Variants in RGS7 observed in about 807,000 individuals in gnomAD.
RGS7 encodes regulator of G protein signaling 7.
Under a neutral mutation model 81.1 loss-of-function variants are expected in RGS7, and 27 were observed. That is an observed-to-expected ratio of 0.33 (90% CI 0.25 to 0.46). The LOEUF (loss-of-function observed/expected upper bound fraction) is 0.46, where lower values mean the gene tolerates loss of function less well. Among genes scored for constraint, RGS7 ranks in the 20% least tolerant of loss-of-function variants. RGS7 has a pLI of 1.00. For synonymous variants in RGS7, 208 were observed against 207.7 expected (o/e 1.00, Z -0.01); for missense variants, 396 against 607.4 (o/e 0.65, Z 3.66).
intron 18 of RGS7, among the ~76,000 whole-genome samples, chr1:240,784,013 TAAAAAA>T (rs71172645): frequency 3.6e-5 from 3 of 83,380 alleles, no homozygotes; most frequent in African/African-American, 1.0e-4. Context: ...CTGTCTCTAC[TAAAAAA>T]AAAAAAAAAA....
intron 2 of RGS7, among the ~76,000 whole-genome samples, chr1:241,288,360 C>T (rs550083877): frequency 7.6e-4 from 115 of 152,264 alleles, no homozygotes; most frequent in African/African-American, 2.7e-3. Flanking sequence ...CCAGAGCTTC[C>T]GTTCTTTCTC....
chr1:241,049,495 T>C (rs2061134438), intron 3 of RGS7, among the ~76,000 whole-genome samples: 1 of 152,164 alleles, frequency 6.6e-6, no homozygotes, highest in Non-Finnish European at 1.5e-5. Flanking sequence ...ATCCTTTTGT[T>C]AAACTTTCCT....
chr1:241,123,594 T>C (rs1213420232), intron 2 of RGS7, among the ~76,000 whole-genome samples: 1 of 152,004 alleles, frequency 6.6e-6, no homozygotes, highest in Non-Finnish European at 1.5e-5. Flanking sequence ...CTACTAAAAA[T>C]ACAAAAATTA....
chr1:241,209,469 G>A (rs1197315969), intron 2 of RGS7, among the ~76,000 whole-genome samples: 1 of 152,142 alleles, frequency 6.6e-6, no homozygotes, highest in African/African-American at 2.4e-5. Flanking sequence ...AATAGTAATT[G>A]TAATAATGAT....
intron 6 of RGS7, among the ~76,000 whole-genome samples, chr1:240,910,027 T>A (rs1404921639): frequency 6.6e-6 from 1 of 152,170 alleles, no homozygotes; most frequent in Non-Finnish European, 1.5e-5. Flanking sequence ...GTCCCTTCTG[T>A]TTGTGGTTCT....
At chr1:240,922,094 A>T (rs1673650134) in intron 6 of RGS7, among the ~76,000 whole-genome samples, 1 of 152,100 alleles carries the variant, frequency 6.6e-6, no homozygotes, top group African/African-American at 2.4e-5. Flanking sequence ...AGAGACTTAG[A>T]CAAGGTAGAA....
intron 9 of RGS7, among the ~76,000 whole-genome samples, chr1:240,865,276 C>T (rs1663027869): frequency 6.6e-6 from 1 of 152,134 alleles, no homozygotes; most frequent in Admixed American, 6.5e-5. Context: ...CCCTTTTTTA[C>T]TGGTTGTTGG....
chr1:240,972,998 G>A (rs951764803), intron 4 of RGS7, among the ~76,000 whole-genome samples: 18 of 151,564 alleles, frequency 1.2e-4, no homozygotes, highest in African/African-American at 2.7e-4. Flanking sequence ...GCAGCGGGCC[G>A]TGATTGTGCC....
intron 13 of RGS7, among the ~76,000 whole-genome samples, chr1:240,813,296 T>C (rs1042304890): frequency 6.6e-6 from 1 of 152,234 alleles, no homozygotes; most frequent in African/African-American, 2.4e-5. Context: ...ACATGAGACT[T>C]TGTGGCTACG....
intron 12 of RGS7, among the ~76,000 whole-genome samples, chr1:240,814,069 C>G (rs1316906108): frequency 6.6e-6 from 1 of 152,148 alleles, no homozygotes; most frequent in East Asian, 1.9e-4. Flanking sequence ...CACAGCAGAA[C>G]AGATTTTATA....
intron 18 of RGS7, among the ~76,000 whole-genome samples, 186 bp from the exon 19 acceptor site, chr1:240,776,399 C>T (rs750483665): frequency 2.7e-5 from 4 of 149,404 alleles, no homozygotes; most frequent in African/African-American, 5.0e-5. Context: ...TCCACTGACA[C>T]GTCAAACAAA....
intron 6 of RGS7, among the ~76,000 whole-genome samples, chr1:240,881,352 G>T (rs1454689930): frequency 6.6e-6 from 1 of 151,548 alleles, no homozygotes; most frequent in Non-Finnish European, 1.5e-5. Context: ...GCCTGTCGTG[G>T]GGTGGGGGGC....
chr1:241,200,187 G>A (rs2073393811), intron 2 of RGS7, among the ~76,000 whole-genome samples: 1 of 151,860 alleles, frequency 6.6e-6, no homozygotes, highest in Non-Finnish European at 1.5e-5. Flanking sequence ...CAGGTGATCT[G>A]GAACTGAAAA....
chr1:241,150,528 C>T (rs995342321), intron 2 of RGS7, among the ~76,000 whole-genome samples: 7 of 152,102 alleles, frequency 4.6e-5, no homozygotes, highest in Non-Finnish European at 1.0e-4. Context: ...TAAAATAAGG[C>T]TTATTTGGAT....
At chr1:240,806,382 T>C in intron 14 of RGS7, 56 bp from the exon 15 acceptor site, 1 of 1,546,762 alleles carries the variant, frequency 6.5e-7, no homozygotes, top group Non-Finnish European at 8.9e-7. Context: ...CTGAAAATTC[T>C]TGTGACATTT....
intron 3 of RGS7, among the ~76,000 whole-genome samples, chr1:241,053,268 G>A (rs1240473202): frequency 6.6e-6 from 1 of 152,142 alleles, no homozygotes; most frequent in African/African-American, 2.4e-5. Context: ...TATCTGAACA[G>A]AGGTTATTCT....
intron 4 of RGS7, among the ~76,000 whole-genome samples, chr1:240,952,089 A>G (rs992208198): frequency 6.6e-6 from 1 of 152,104 alleles, no homozygotes; most frequent in Non-Finnish European, 1.5e-5. Context: ...CAAACAACTG[A>G]AAGAATACAT....
rs141184270 is a variant in RGS7 at position 241,217,484 on chromosome 1, T to C, written c.79-118722A>G. 8.9e-4 allele frequency among the ~76,000 whole-genome samples: 135 copies of C among 152,314 alleles called. 3 individuals carry two copies. In the East Asian group the frequency reaches 0.023, roughly 26 times the overall value. On this transcript the variant is annotated intron_variant, in intron 2 of 18. Coordinates refer to ENST00000440928, the MANE Select transcript of RGS7 (RefSeq NM_001364886.1). ...GCAGATTTGTACTGTGACCCTGTCA[T>C]GGCAATTCATTCTACTGGCAAAAAT...
intron 2 of RGS7, among the ~76,000 whole-genome samples, chr1:241,237,578 T>C (rs1485351794): frequency 6.6e-6 from 1 of 152,076 alleles, no homozygotes; most frequent in African/African-American, 2.4e-5. Flanking sequence ...GGAAGATAAA[T>C]TGTAAAAGTT....
Sources: gnomAD v4.1 joint callset for allele counts (sites outside exome capture counted in the v4.1 genomes callset) on GRCh38, gnomAD v4.1.1 for gene constraint, MANE v1.5 for transcripts, NCBI Gene and HGNC (gene_info 2026-07-23, HGNC 2026-07-21) for gene names.